Variants in GPHN observed in about 807,000 individuals in gnomAD.
GPHN encodes the protein gephyrin.
In GPHN, 17 loss-of-function variants were observed where a neutral mutation model predicts 95.5. The observed-to-expected ratio is 0.18, with a 90% confidence interval of 0.12 to 0.27. The LOEUF (loss-of-function observed/expected upper bound fraction) is 0.27. Ranked by LOEUF, GPHN falls within the 10% of genes least tolerant of loss-of-function variation. GPHN has a pLI of 1.00. For synonymous variants in GPHN, 320 were observed against 322.5 expected, an observed-to-expected ratio of 0.99 and a Z score of 0.08; for missense variants, 660 against 978.1, an observed-to-expected ratio of 0.67 and a Z score of 4.34.
chr14:67,109,881 A>G (rs1034678223), intron 13 of GPHN, among the ~76,000 whole-genome samples: 6 of 152,214 alleles, frequency 3.9e-5, no homozygotes, highest in African/African-American at 1.4e-4. Context: ...CAGTTCTTCA[A>G]AAGTAAAGCA....
intron 8 of GPHN, among the ~76,000 whole-genome samples, chr14:66,964,224 A>C (rs1332812436): frequency 1.3e-5 from 2 of 152,190 alleles, no homozygotes; most frequent in Non-Finnish European, 2.9e-5. Context: ...AAGTATAATA[A>C]TAACAGTAAT....
chr14:66,911,149 AAAAG>A (rs1356666707), intron 5 of GPHN, among the ~76,000 whole-genome samples: 1 of 152,058 alleles, frequency 6.6e-6, no homozygotes, highest in Non-Finnish European at 1.5e-5. Context: ...CATGTTAAGT[AAAAG>A]AAGCAAGTCA....
At chr14:67,686,570 C>T in the GPHN span, among the ~76,000 whole-genome samples, 1 of 139,882 alleles carries the variant, frequency 7.1e-6, no homozygotes, top group East Asian at 2.1e-4. Flanking sequence ...ACCAGGGAGA[C>T]AGAGGTTGTA....
intron 1 of GPHN, among the ~76,000 whole-genome samples, chr14:66,652,267 C>G (rs998858329): frequency 6.6e-6 from 1 of 151,964 alleles, no homozygotes; most frequent in Non-Finnish European, 1.5e-5. Context: ...CACTTCATTC[C>G]CCTATTGATA....
At chr14:67,348,207 T>C in the GPHN span, among the ~76,000 whole-genome samples, 12 of 152,060 alleles carry the variant, frequency 7.9e-5, no homozygotes, top group African/African-American at 2.9e-4. Context: ...CTCAAGTAGC[T>C]GGGATTACAG....
At chr14:67,382,200 C>T in the GPHN span, among the ~76,000 whole-genome samples, 1 of 151,910 alleles carries the variant, frequency 6.6e-6, no homozygotes, top group Non-Finnish European at 1.5e-5. Flanking sequence ...TCTTTCTATT[C>T]AGTATCGCAG....
chr14:67,111,785 G>A lies in GPHN; in HGVS notation c.1414-76G>A, dbSNP rs976207697. The A allele has an allele frequency of 3.8e-5, 41 of 1,077,268 alleles. No individual in the cohort carries two copies. The Middle Eastern group carries it at 5.9e-4, about 16-fold the overall frequency. 66.7% of individuals were successfully genotyped at this position (1,077,268 alleles called of 1,614,324 possible). On this transcript the variant is annotated intron_variant, in intron 14 of 22. Coordinates refer to ENST00000478722, the MANE Select transcript of GPHN (RefSeq NM_020806.5). ...TGTATATATCCTGGGCCTATCTGAT[G>A]GTAAAAGTATCGGAGTAACTAAATT...
chr14:66,883,188 A>G (rs1261683401), intron 5 of GPHN, among the ~76,000 whole-genome samples: 3 of 151,840 alleles, frequency 2.0e-5, no homozygotes, highest in African/African-American at 7.2e-5. Flanking sequence ...CAAATCCCTG[A>G]GGCTCTGTTA....
At chr14:66,775,133 A>AAT (rs562202246) in intron 2 of GPHN, among the ~76,000 whole-genome samples, 73 of 152,148 alleles carry the variant, frequency 4.8e-4, no homozygotes, top group Non-Finnish European at 8.5e-4. Flanking sequence ...CCCAAGTAAT[A>AAT]AGCATAGTTT....
chr14:67,582,159 G>T, the GPHN span: 1 of 1,613,602 alleles, frequency 6.2e-7, no homozygotes, highest in Non-Finnish European at 8.5e-7. This position sits in a 1 kb window ranked among gnomAD's most constrained non-coding sequence, Gnocchi z 5.0. Context: ...TGGCAGGGAG[G>T]TTTCCTATCA....
chr14:66,790,275 C>A (rs1192115761), intron 3 of GPHN, among the ~76,000 whole-genome samples: 1 of 152,050 alleles, frequency 6.6e-6, no homozygotes, highest in African/African-American at 2.4e-5. Context: ...TAAGACAGTT[C>A]ATGGAGGAGA....
intron 8 of GPHN, among the ~76,000 whole-genome samples, chr14:66,949,877 G>A (rs993318662): frequency 5.9e-5 from 9 of 151,722 alleles, no homozygotes; most frequent in African/African-American, 1.9e-4. Context: ...TCAAAGGACT[G>A]CAGCATTCAA....
chr14:67,641,408 T>C, the GPHN span, among the ~76,000 whole-genome samples: 1 of 152,326 alleles, frequency 6.6e-6, no homozygotes, highest in South Asian at 2.1e-4. Flanking sequence ...ATGGCCTAGA[T>C]TTGGATCCTG....
the GPHN span, among the ~76,000 whole-genome samples, chr14:67,240,347 G>T: frequency 6.6e-6 from 1 of 152,232 alleles, no homozygotes; most frequent in Admixed American, 6.5e-5. Flanking sequence ...TGAAAATCAG[G>T]ACCTGAGGAC....
the GPHN span, chr14:67,225,048 T>C: frequency 7.0e-7 from 1 of 1,428,694 alleles, no homozygotes; most frequent in South Asian, 1.4e-5. Context: ...TTTTGGCTTT[T>C]TTTCTTTCTC....
At chr14:66,641,589 A>G (rs960714352) in intron 1 of GPHN, among the ~76,000 whole-genome samples, 1 of 151,994 alleles carries the variant, frequency 6.6e-6, no homozygotes, top group African/African-American at 2.4e-5. Flanking sequence ...CCCCAAATAT[A>G]CTGGGAGAAT....
chr14:67,530,291 A>G, the GPHN span, among the ~76,000 whole-genome samples: 362 of 152,312 alleles, frequency 2.4e-3, 1 homozygote, highest in African/African-American at 8.0e-3. Flanking sequence ...TATTATCATC[A>G]TTATTTTACA....
At chr14:66,943,599 G>A (rs1004985515) in intron 8 of GPHN, among the ~76,000 whole-genome samples, 1 of 152,054 alleles carries the variant, frequency 6.6e-6, no homozygotes, top group East Asian at 1.9e-4. Flanking sequence ...ATTCTTTAAG[G>A]GTTGTTTTTA....
At chr14:66,760,683 G>A in intron 2 of GPHN, 1 of 438,156 alleles carries the variant, frequency 2.3e-6, no homozygotes, top group South Asian at 1.8e-5. Flanking sequence ...AAAGTTAGGT[G>A]AACCAAAGCA....
Sources: allele counts gnomAD v4.1 joint callset (sites outside exome capture counted in the v4.1 genomes callset), GRCh38; gene constraint gnomAD v4.1.1; non-coding constraint Gnocchi (gnomAD v3.1); transcripts MANE v1.5; gene names NCBI Gene and HGNC (gene_info 2026-07-23, HGNC 2026-07-21).